The following TMEM87B variants were observed in gnomAD, a reference collection of about 807,000 sequenced individuals.
TMEM87B encodes the protein transmembrane protein 87B.
Under a neutral mutation model 80.3 loss-of-function variants are expected in TMEM87B, and 83 were observed. The observed-to-expected ratio is 1.03, with a 90% CI of 0.87 to 1.24. TMEM87B has a LOEUF of 1.24. Ranked by LOEUF, TMEM87B falls within the 50% of genes most tolerant of loss-of-function variation. TMEM87B has a pLI of 0.00. For missense variants in TMEM87B, 625 were observed against 674.4 expected (o/e 0.93, Z 0.81); for synonymous variants, 219 against 230.5 (o/e 0.95, Z 0.45).
rs143320891 is a variant in TMEM87B, at chr2:112,074,932, C to T, written c.471C>T (p.Ile157=). ...TCCAGAATAAAGAACTAATAAATAT[C>T]AGAAATGTTTCAAACCAGGAAAGAT... ...PSLNNKELIN[I]RNVSNQERSM... The change falls in exon 5 of 19, where the codon ATC becomes ATT. Residue 157 remains isoleucine, a synonymous_variant. Coordinates refer to ENST00000283206, the MANE Select transcript of TMEM87B (RefSeq NM_032824.3). 1.1e-5 allele frequency: 17 copies of T among 1,578,020 alleles called. No homozygotes were observed. Among genetic ancestry groups the T allele is most frequent in the Non-Finnish European group, 1.5e-5 (17 of 1,158,020 alleles).
chr2:112,064,511 A>C (rs951691058), intron 3 of TMEM87B, among the ~76,000 whole-genome samples: 2 of 152,262 alleles, frequency 1.3e-5, no homozygotes, highest in African/African-American at 4.8e-5. Context: ...AGACGCATAC[A>C]TACAAATAAA....
chr2:112,096,924 A>T (rs532449176), intron 11 of TMEM87B, 120 bp from the exon 12 acceptor site: 2 of 677,954 alleles, frequency 3.0e-6, no homozygotes, highest in East Asian at 5.4e-5. Flanking sequence ...TGTTTTCATT[A>T]GCTTCAAATT....
At position 112,118,798 on chromosome 2, in the gene TMEM87B, T is replaced by G. The variant is rs544206075; in HGVS notation, c.*2655T>G. On this transcript the variant is annotated 3_prime_UTR_variant, in exon 19 of 19. Coordinates refer to ENST00000283206, the MANE Select transcript of TMEM87B (RefSeq NM_032824.3). ...AGTATAAAAAATGTACATATACATTTTGAGTTATGTATCCTTTTTTTAAAA... is the reference window on the plus strand; with the variant it reads ...AGTATAAAAAATGTACATATACATTGTGAGTTATGTATCCTTTTTTTAAAA... The G allele has an allele frequency of 1.6e-4, 25 of 152,320 alleles. No homozygotes were observed. Among genetic ancestry groups the G allele is most frequent in the African/African-American group, 4.8e-4 (20 of 41,584 alleles). 9.4% of individuals were successfully genotyped at this position (152,320 alleles called of 1,614,324 possible).
chr2:112,071,115 C>T (rs187321305), intron 4 of TMEM87B, among the ~76,000 whole-genome samples: 58 of 152,138 alleles, frequency 3.8e-4, no homozygotes, highest in African/African-American at 1.3e-3. Flanking sequence ...TGAGCCACTG[C>T]GCCCGGCTGA....
At chr2:112,086,843 C>T (rs531686695) in intron 9 of TMEM87B, among the ~76,000 whole-genome samples, 1 of 152,262 alleles carries the variant, frequency 6.6e-6, no homozygotes, top group South Asian at 2.1e-4. Context: ...AACCTGACCT[C>T]ACCTCCCCAC....
chr2:112,079,936 T>TC (rs1678937841), intron 6 of TMEM87B, among the ~76,000 whole-genome samples: 1 of 146,258 alleles, frequency 6.8e-6, no homozygotes, highest in Non-Finnish European at 1.5e-5. Context: ...CTTTTTTTTT[T>TC]TTTTTTTTTT....
chr2:112,065,480 A>G (rs1010844921), intron 3 of TMEM87B, among the ~76,000 whole-genome samples: 2 of 151,964 alleles, frequency 1.3e-5, no homozygotes, highest in Non-Finnish European at 2.9e-5. Context: ...CCCTGTCTCT[A>G]CAAAAAATTA....
chr2:112,099,678 C>G (rs1679576026), intron 14 of TMEM87B, among the ~76,000 whole-genome samples: 1 of 150,488 alleles, frequency 6.6e-6, no homozygotes, highest in African/African-American at 2.4e-5. Context: ...GAATTCGAGA[C>G]CAGCCTGGGC....
chr2:112,117,138 G>A lies in TMEM87B; in HGVS notation c.*995G>A, dbSNP rs567128169. 6.6e-6 allele frequency: 1 copy of A among 152,102 alleles called. No homozygotes were observed. The highest frequency in any genetic ancestry group is 1.5e-5 in the Non-Finnish European group (1 of 68,020). The allele number at this position is 152,102 out of a possible 1,614,324, so 9.4% of individuals were successfully genotyped here. The stretch of plus-strand genomic sequence containing the variant: ...TCGTTACATCATATATTTGTAATGT[G>A]TAATATGAAATCTTTTGCTTTAATG... On this transcript the variant is annotated 3_prime_UTR_variant, in exon 19 of 19. Transcript: ENST00000283206.
At chr2:112,061,706 C>A (rs1266481106) in intron 2 of TMEM87B, among the ~76,000 whole-genome samples, 2 of 152,144 alleles carry the variant, frequency 1.3e-5, no homozygotes, top group African/African-American at 4.8e-5. Context: ...TTTTAAAAAT[C>A]ATTACAAATG....
At position 112,055,640 on chromosome 2, in the gene TMEM87B, CGCTGCTTTCCCGCCCGGGCCCCGCT is replaced by C. The variant is rs1261285161; in HGVS notation, c.55_79del (p.Phe19AlafsTer24). ...AGCCGGGCTCCTGCCACGCCGCCGC[CGCTGCTTTCCCGCCCGGGCCCCGCT>C]GCTGCGCGTCGCCCTCTGCCTCCTG... On this transcript the variant is annotated frameshift_variant, in exon 1 of 19. Coordinates refer to ENST00000283206, the MANE Select transcript of TMEM87B (RefSeq NM_032824.3). LOFTEE classifies it high-confidence loss of function. 1 of 1,558,992 alleles carries C rather than the reference CGCTGCTTTCCCGCCCGGGCCCCGCT, an allele frequency of 6.4e-7. No individual in the cohort carries two copies. The highest frequency in any genetic ancestry group is 1.4e-5 in the African/African-American group (1 of 71,034).
intron 17 of TMEM87B, among the ~76,000 whole-genome samples, chr2:112,112,264 T>C (rs1679941355): frequency 6.6e-6 from 1 of 152,230 alleles, no homozygotes; most frequent in African/African-American, 2.4e-5. Context: ...TTTCTTTATA[T>C]CTATATTATC....
intron 4 of TMEM87B, among the ~76,000 whole-genome samples, chr2:112,067,578 G>A (rs556832768): frequency 2.6e-5 from 4 of 152,248 alleles, no homozygotes; most frequent in African/African-American, 9.6e-5. Flanking sequence ...CAGCCTGGGC[G>A]ACAGAGCGAG....
At chr2:112,058,851 C>CA (rs1678161659) in intron 1 of TMEM87B, among the ~76,000 whole-genome samples, 1 of 152,160 alleles carries the variant, frequency 6.6e-6, no homozygotes, top group Non-Finnish European at 1.5e-5. Context: ...ATAAAGTAGG[C>CA]ATGCCTTGGG....
At chr2:112,089,561 A>T in intron 9 of TMEM87B, 64 bp from the exon 10 acceptor site, 4 of 1,409,378 alleles carry the variant, frequency 2.8e-6, no homozygotes, top group Non-Finnish European at 4.0e-6. Context: ...CAGTTACTGT[A>T]TTCAGGTGCA....
At chr2:112,079,897 T>G (rs978699793) in intron 6 of TMEM87B, among the ~76,000 whole-genome samples, 1 of 151,994 alleles carries the variant, frequency 6.6e-6, no homozygotes, top group Non-Finnish European at 1.5e-5. Context: ...TTTATATGTT[T>G]TCTTTTGAGA....
rs1678006864 is a variant in TMEM87B, at chr2:112,055,358, C to G, written c.-234C>G. 1 of 518,352 alleles carries G rather than the reference C, an allele frequency of 1.9e-6. No individual in the cohort carries two copies. The allele number at this position is 518,352 out of a possible 1,614,324, so 32.1% of individuals were successfully genotyped here. On this transcript the variant is annotated 5_prime_UTR_variant, in exon 1 of 19. In the 5' UTR this introduces an upstream ATG that the reference lacks. Transcript: ENST00000283206. ...GCTCCTATCTCTGCCTTCCAGGCAT[C>G]TCCCAGCTGCACGCTCGGGCCCGGC...
intron 1 of TMEM87B, among the ~76,000 whole-genome samples, chr2:112,057,827 C>CTT (rs35341806): frequency 1.3e-3 from 181 of 137,806 alleles, no homozygotes; most frequent in African/African-American, 2.8e-3. Flanking sequence ...CTGCCTCAGT[C>CTT]TTTTTTTTTT....
At chr2:112,113,433 C>T (rs185323633) in intron 18 of TMEM87B, among the ~76,000 whole-genome samples, 9 of 152,180 alleles carry the variant, frequency 5.9e-5, no homozygotes, top group East Asian at 1.9e-4. Flanking sequence ...TCAAAAAGGA[C>T]GAGTGGAGGG....
Sources: allele counts gnomAD v4.1 joint callset (sites outside exome capture counted in the v4.1 genomes callset), GRCh38; gene constraint gnomAD v4.1.1; transcripts MANE v1.5; gene names NCBI Gene and HGNC (gene_info 2026-07-23, HGNC 2026-07-21).